TECTA: variants seen among roughly 807,000 people sequenced by gnomAD.
TECTA encodes the protein tectorin alpha, also known as alpha-tectorin.
A neutral mutation model predicts 216.8 loss-of-function variants in TECTA; 128 were observed. The observed-to-expected ratio is 0.59, with a 90% confidence interval of 0.51 to 0.68. The LOEUF (loss-of-function observed/expected upper bound fraction) is 0.68, where lower values mean the gene tolerates loss of function less well. TECTA is among the 30% of genes least tolerant of loss of function. The pLI is 0.00. For missense variants in TECTA, 2,551 were observed against 2,786.2 expected (o/e 0.92, Z 1.90); for synonymous variants, 1,089 against 1,117.1 (o/e 0.97, Z 0.50).
rs1007967975 is a variant in TECTA at position 121,187,831 on chromosome 11, G to A, written c.6000-1G>A. On this transcript the variant is annotated splice_acceptor_variant, in intron 20 of 23. Coordinates refer to ENST00000392793, the MANE Select transcript of TECTA (RefSeq NM_005422.4). LOFTEE classifies it high-confidence loss of function. ...AAGATTCCATTATTTTTTCTGAATA[G>A]GTGTCAGAACCTCAAAGATAACACC... 6 of 1,614,086 alleles carry A rather than the reference G, an allele frequency of 3.7e-6. No homozygotes were observed. Among genetic ancestry groups the A allele is most frequent in the Non-Finnish European group, 5.1e-6 (6 of 1,180,036 alleles).
At chr11:121,134,795 A>G (rs1946709973) in intron 10 of TECTA, among the ~76,000 whole-genome samples, 1 of 152,116 alleles carries the variant, frequency 6.6e-6, no homozygotes, top group Admixed American at 6.5e-5. Context: ...TGTTTGAGTT[A>G]TTTTTGTGCT....
At chr11:121,176,647 T>C (rs1470241867) in intron 20 of TECTA, among the ~76,000 whole-genome samples, 3 of 148,818 alleles carry the variant, frequency 2.0e-5, no homozygotes, top group Admixed American at 6.7e-5. Context: ...CTGACAATTA[T>C]GTGTCTTGGA....
chr11:121,126,005 T>C (rs923211703), intron 8 of TECTA, 133 bp downstream of exon 8: 113 of 1,068,522 alleles, frequency 1.1e-4, no homozygotes, highest in Non-Finnish European at 1.4e-4. Context: ...TTGCACAAAT[T>C]ACAAAGAACG....
rs1431366601 is a variant in TECTA, at chr11:121,166,801, G to T, written c.5586+21G>T. On this transcript the variant is annotated intron_variant, in intron 18 of 23. Transcript: ENST00000392793. ...TGCAGGTGAGAAAAGCAGCAGGAAA[G>T]AGCACCTGGCAGAGGCAGCGACAGC... The T allele has an allele frequency of 1.9e-6, 3 of 1,612,498 alleles. No homozygotes were observed. The East Asian group carries it at 6.7e-5, about 36-fold the overall frequency.
chr11:121,128,172 C>A lies in TECTA; in HGVS notation c.2195C>A (p.Pro732His), dbSNP rs1209665831. The A allele has an allele frequency of 6.2e-7, 1 of 1,609,800 alleles. No homozygotes were observed. The highest frequency in any genetic ancestry group is 8.5e-7 in the Non-Finnish European group (1 of 1,180,016). The part of the protein sequence containing the change: ...HTFDGASYAF[P>H]SEFSYTLLKT... ...TTTGACGGCGCCTCCTACGCCTTCC[C>A]CTCCGAGTTCTCCTACACCCTCCTG... Residue 732 changes from proline to histidine, a missense_variant, in exon 9 of 24, where the codon CCC (proline) becomes CAC (histidine). Transcript: ENST00000392793.
chr11:121,176,573 G>A (rs1265348567), intron 20 of TECTA, among the ~76,000 whole-genome samples: 9 of 131,500 alleles, frequency 6.8e-5, no homozygotes, highest in African/African-American at 2.8e-4. Flanking sequence ...TCCCTTTGTG[G>A]GTAACCTGAC....
At chr11:121,130,789 G>A (rs1436829635) in intron 10 of TECTA, among the ~76,000 whole-genome samples, 2 of 152,166 alleles carry the variant, frequency 1.3e-5, no homozygotes, top group African/African-American at 2.4e-5. Context: ...TATCAGGGAA[G>A]CCACAGGGAG....
chr11:121,138,999 C>T (rs878631), intron 11 of TECTA, among the ~76,000 whole-genome samples: 2 of 152,202 alleles, frequency 1.3e-5, no homozygotes, highest in African/African-American at 2.4e-5. Context: ...CTAAAGAGTT[C>T]CCTGGGCAAC....
chr11:121,113,841 G>C lies in TECTA; in HGVS notation c.790+123G>C. On this transcript the variant is annotated intron_variant, in intron 6 of 23. Transcript: ENST00000392793. The surrounding 1 kb of genome is among the most constrained non-coding windows in gnomAD (Gnocchi z 4.2). ...TTACTCTTTTGACATCTCTCCGCTG[G>C]GTAATGGAGATCAAGGTAATTTTAG... 8.6e-7 allele frequency: 1 copy of C among 1,164,160 alleles called. No individual in the cohort carries two copies. The highest frequency in any genetic ancestry group is 1.2e-6 in the Non-Finnish European group (1 of 801,234). 72.1% of individuals were successfully genotyped at this position (1,164,160 alleles called of 1,614,324 possible).
intron 20 of TECTA, among the ~76,000 whole-genome samples, chr11:121,170,419 TTTTGTTTTGTTTTGTTTTG>T (rs1478740515): frequency 1.3e-5 from 2 of 151,672 alleles, no homozygotes; most frequent in African/African-American, 4.8e-5. Context: ...AGTGGGGTTT[TTTTGTTTTGTTTTGTTTTG>T]TTTGGTTTTG....
intron 16 of TECTA, among the ~76,000 whole-genome samples, chr11:121,164,320 C>T (rs1947029833): frequency 6.6e-6 from 1 of 152,132 alleles, no homozygotes; most frequent in Admixed American, 6.5e-5. Context: ...CCTTTTAAAA[C>T]TCTTTTTAAA....
In TECTA at chr11:121,105,817, A is replaced by G. The variant is rs201171064; in HGVS notation, c.65-14A>G. The G allele has an allele frequency of 6.8e-5, 109 of 1,614,074 alleles. No homozygotes were observed. The East Asian group carries it at 2.2e-3, about 32-fold the overall frequency. Reference sequence around the variant, plus strand: ...GGGAGCTGCCATCTATCTAACCATCATCTCTCTTGACAGCTCAGCCCAGGG... The same window carrying G: ...GGGAGCTGCCATCTATCTAACCATCGTCTCTCTTGACAGCTCAGCCCAGGG... On this transcript the variant is annotated splice_polypyrimidine_tract_variant and intron_variant, in intron 2 of 23. Transcript: ENST00000392793. This position sits in a 1 kb window ranked among gnomAD's most constrained non-coding sequence, Gnocchi z 5.3.
chr11:121,118,625 C>T lies in TECTA; in HGVS notation c.1110C>T (p.Arg370=), dbSNP rs1946524492. Residue 370 remains arginine, a synonymous_variant, in exon 7 of 24, where the codon CGC becomes CGT. Coordinates refer to ENST00000392793, the MANE Select transcript of TECTA (RefSeq NM_005422.4). ...FFSVEAKNEH[R]RGSAVSWVKE... is the part of the protein sequence containing the mutation. ...GTGTGGAGGCCAAGAATGAACACCG[C>T]AGAGGTTCAGCCGTCTCCTGGGTGA... The T allele has an allele frequency of 1.9e-6, 3 of 1,614,018 alleles. No homozygotes were observed. Among genetic ancestry groups the T allele is most frequent in the African/African-American group, 2.7e-5 (2 of 74,908 alleles).
chr11:121,106,741 CCT>C (rs1341378803), intron 3 of TECTA, among the ~76,000 whole-genome samples: 1 of 152,148 alleles, frequency 6.6e-6, no homozygotes, highest in African/African-American at 2.4e-5. Flanking sequence ...ACGTCTGGGA[CCT>C]CTCTCTTCCC....
intron 10 of TECTA, among the ~76,000 whole-genome samples, chr11:121,133,347 C>T (rs1008174202): frequency 2.6e-5 from 4 of 152,012 alleles, no homozygotes; most frequent in African/African-American, 9.7e-5. Context: ...TATACATAAC[C>T]ACAGTACAGT....
Position 121,113,197 on chromosome 11 carries a change from A to G in TECTA, c.612A>G (p.Gly204=), listed in dbSNP as rs1565518030. ...SGGDPLTGLG[G]VMAQAGFNGG... ...GCGACCCCCTGACAGGTCTTGGTGG[A>G]GTGATGGCACAGGTAGGTGGCTCTC... Residue 204 remains glycine, a synonymous_variant, in exon 5 of 24, where the codon GGA becomes GGG. Transcript: ENST00000392793. This position sits in a 1 kb window ranked among gnomAD's most constrained non-coding sequence, Gnocchi z 4.2. The G allele has an allele frequency of 6.2e-7, 1 of 1,613,330 alleles. No individual in the cohort carries two copies. The highest frequency in any genetic ancestry group is 2.2e-5 in the East Asian group (1 of 44,846).
At chr11:121,153,927 CAA>C (rs1299378325) in intron 13 of TECTA, among the ~76,000 whole-genome samples, 29 of 152,212 alleles carry the variant, frequency 1.9e-4, no homozygotes, top group Non-Finnish European at 3.7e-4. Flanking sequence ...AGATGGTTAA[CAA>C]CTACAGATAA....
chr11:121,103,386 C>T (rs146461176), intron 2 of TECTA, among the ~76,000 whole-genome samples: 6 of 152,026 alleles, frequency 3.9e-5, no homozygotes, highest in East Asian at 1.9e-4. Context: ...CTTTACCTTG[C>T]GAGTTTGTCT....
At chr11:121,164,011 A>G (rs761114663) in intron 16 of TECTA, among the ~76,000 whole-genome samples, 5 of 152,242 alleles carry the variant, frequency 3.3e-5, no homozygotes. Context: ...TCCAGAAATT[A>G]AGACAGGCTG....
Sources: allele counts gnomAD v4.1 joint callset (sites outside exome capture counted in the v4.1 genomes callset), GRCh38; gene constraint gnomAD v4.1.1; non-coding constraint Gnocchi (gnomAD v3.1); transcripts MANE v1.5; gene names NCBI Gene and HGNC (gene_info 2026-07-23, HGNC 2026-07-21).